The following EPHB1 variants were observed in gnomAD, a reference collection of about 807,000 sequenced individuals.
The protein encoded by EPHB1 is EPH receptor B1.
Under a neutral mutation model 94.4 loss-of-function variants are expected in EPHB1, and 30 were observed. The observed-to-expected ratio is 0.32, with a 90% CI of 0.24 to 0.43. The LOEUF is 0.43. EPHB1 is among the 20% of genes least tolerant of loss of function. EPHB1 has a pLI of 1.00. For synonymous variants in EPHB1, 522 were observed against 489.1 expected, an observed-to-expected ratio of 1.07 and a Z score of -0.89; for missense variants, 1,055 against 1,308.3, an observed-to-expected ratio of 0.81 and a Z score of 2.99.
At chr3:135,156,512 A>G (rs1227583605) in intron 6 of EPHB1, among the ~76,000 whole-genome samples, 1 of 152,214 alleles carries the variant, frequency 6.6e-6, no homozygotes, top group African/African-American at 2.4e-5. Context: ...TCTAGGTCAC[A>G]GTTTTACATT....
intron 3 of EPHB1, among the ~76,000 whole-genome samples, chr3:135,013,138 C>T (rs934450051): frequency 6.6e-6 from 1 of 152,120 alleles, no homozygotes; most frequent in Non-Finnish European, 1.5e-5. Flanking sequence ...GAGTCATTTC[C>T]GTTTATCAGA....
intron 3 of EPHB1, among the ~76,000 whole-genome samples, chr3:135,101,186 C>T (rs1939023447): frequency 6.6e-6 from 1 of 152,138 alleles, no homozygotes; most frequent in African/African-American, 2.4e-5. Context: ...CTCTTTCTAC[C>T]CACCTCCTGG....
intron 9 of EPHB1, among the ~76,000 whole-genome samples, chr3:135,174,567 T>C (rs1186020119): frequency 1.3e-5 from 2 of 152,208 alleles, no homozygotes; most frequent in Non-Finnish European, 1.5e-5. Flanking sequence ...TCTCCAGTTA[T>C]TTCATATCTT....
intron 3 of EPHB1, among the ~76,000 whole-genome samples, chr3:135,010,349 T>C (rs1935576024): frequency 6.6e-6 from 1 of 152,162 alleles, no homozygotes; most frequent in African/African-American, 2.4e-5. Context: ...GATGTGTAGC[T>C]GTTACATTCT....
chr3:135,120,085 A>G (rs551244192), intron 4 of EPHB1, among the ~76,000 whole-genome samples: 1 of 152,334 alleles, frequency 6.6e-6, no homozygotes, highest in East Asian at 1.9e-4. Flanking sequence ...AAAAATAGCT[A>G]TCCCATTCTT....
intron 3 of EPHB1, among the ~76,000 whole-genome samples, chr3:134,994,252 G>T (rs1172311014): frequency 2.0e-5 from 3 of 152,196 alleles, no homozygotes; most frequent in Non-Finnish European, 1.5e-5. Flanking sequence ...ATAAGCGAAT[G>T]AATGAATAAA....
At chr3:135,176,998 C>T (rs1452556493) in intron 9 of EPHB1, among the ~76,000 whole-genome samples, 2 of 152,146 alleles carry the variant, frequency 1.3e-5, no homozygotes, top group Non-Finnish European at 2.9e-5. Context: ...CTTCCTACCT[C>T]CCCAAACACT....
At chr3:135,154,679 T>C (rs1265570661) in intron 6 of EPHB1, among the ~76,000 whole-genome samples, 1 of 152,212 alleles carries the variant, frequency 6.6e-6, no homozygotes, top group East Asian at 1.9e-4. Context: ...AAAATAAATT[T>C]ATTTATAAAT....
intron 12 of EPHB1, among the ~76,000 whole-genome samples, chr3:135,202,154 C>T (rs538266497): frequency 5.9e-5 from 9 of 152,284 alleles, no homozygotes; most frequent in African/African-American, 1.7e-4. Flanking sequence ...ACCGTCAACA[C>T]GATGAGTACT....
At chr3:134,933,187 CCT>C (rs1357039800) in intron 2 of EPHB1, among the ~76,000 whole-genome samples, 5 of 152,084 alleles carry the variant, frequency 3.3e-5, no homozygotes, top group Non-Finnish European at 7.4e-5. Context: ...CCTTTTTTCT[CCT>C]CTCTCTACTC....
chr3:135,133,217 T>C (rs1180577220), intron 5 of EPHB1, among the ~76,000 whole-genome samples, 168 bp downstream of exon 5: 2 of 152,188 alleles, frequency 1.3e-5, no homozygotes, highest in Admixed American at 6.5e-5. Flanking sequence ...AGCAGGCAGG[T>C]GTAGTGTTGC....
At chr3:135,032,012 T>C (rs1936488915) in intron 3 of EPHB1, among the ~76,000 whole-genome samples, 1 of 152,126 alleles carries the variant, frequency 6.6e-6, no homozygotes, top group African/African-American at 2.4e-5. Flanking sequence ...TTTTCTTCGT[T>C]GGAAGCATTC....
chr3:135,043,690 C>T lies in EPHB1; in HGVS notation c.806-62758C>T, dbSNP rs142217203. Among the ~76,000 whole-genome samples the T allele has an allele frequency of 1.8e-4, 28 of 152,364 alleles. No individual in the cohort carries two copies. In the East Asian group the frequency reaches 5.2e-3, roughly 28 times the overall value. ...CATAAGGTCCGGCTCCATCCTGATA[C>T]AGACGTTCCTAAGATATATTCCTTT... On this transcript the variant is annotated intron_variant, in intron 3 of 15. Transcript: ENST00000398015.
chr3:135,062,764 C>T (rs1349820214), intron 3 of EPHB1, among the ~76,000 whole-genome samples: 4 of 152,134 alleles, frequency 2.6e-5, no homozygotes, highest in Admixed American at 6.5e-5. Flanking sequence ...TTTGCCTAAG[C>T]CAATGTCTAG....
intron 4 of EPHB1, among the ~76,000 whole-genome samples, chr3:135,111,518 G>A (rs977729975): frequency 1.3e-5 from 2 of 152,144 alleles, no homozygotes; most frequent in Non-Finnish European, 2.9e-5. Context: ...CTAGAAAGCT[G>A]CAGGGAGGGG....
rs182221827 is a variant in EPHB1, at chr3:135,039,488, C to T, written c.806-66960C>T. Among the ~76,000 whole-genome samples the T allele has an allele frequency of 2.9e-4, 44 of 152,262 alleles. No individual in the cohort carries two copies. In the East Asian group the frequency reaches 6.8e-3, roughly 23 times the overall value. The stretch of plus-strand genomic sequence containing the variant: ...GCCGTGGAGTAGGGGGTGGTGCTCC[C>T]GTCGGGGAGGCTCGGGCTGCACAGG... On this transcript the variant is annotated intron_variant, in intron 3 of 15. Transcript: ENST00000398015.
intron 3 of EPHB1, among the ~76,000 whole-genome samples, chr3:135,030,545 G>A (rs1448400199): frequency 6.6e-6 from 1 of 152,200 alleles, no homozygotes; most frequent in Non-Finnish European, 1.5e-5. Context: ...CGGGGGTCAG[G>A]GGTCAGGGAC....
At chr3:134,941,010 T>C (rs538590533) in intron 2 of EPHB1, among the ~76,000 whole-genome samples, 110 of 152,376 alleles carry the variant, frequency 7.2e-4, no homozygotes, top group Non-Finnish European at 1.3e-3. Flanking sequence ...TTTCTATTCC[T>C]GTCTTAAATA....
At chr3:134,864,925 C>T (rs1032661192) in intron 1 of EPHB1, among the ~76,000 whole-genome samples, 7 of 152,218 alleles carry the variant, frequency 4.6e-5, no homozygotes, top group Non-Finnish European at 8.8e-5. Flanking sequence ...GAATGGGCCT[C>T]TAAGAGGTCA....
Sources: allele counts gnomAD v4.1 joint callset (sites outside exome capture counted in the v4.1 genomes callset), GRCh38; gene constraint gnomAD v4.1.1; transcripts MANE v1.5; gene names NCBI Gene and HGNC (gene_info 2026-07-23, HGNC 2026-07-21).